The following RGS7 variants were observed in gnomAD, a reference collection of about 807,000 sequenced individuals.
RGS7 encodes regulator of G-protein signaling 7.
Under a neutral mutation model 81.1 loss-of-function variants are expected in RGS7, and 27 were observed. The observed-to-expected ratio is 0.33, with a 90% CI of 0.25 to 0.46. The LOEUF is 0.46. Among genes scored for constraint, RGS7 ranks in the 20% least tolerant of loss-of-function variants. RGS7 has a pLI of 1.00. For synonymous variants in RGS7, 208 were observed against 207.7 expected (o/e 1.00, Z -0.01); for missense variants, 396 against 607.4 (o/e 0.65, Z 3.66).
intron 3 of RGS7, among the ~76,000 whole-genome samples, chr1:241,072,856 A>G (rs1018636708): frequency 3.3e-5 from 5 of 152,080 alleles, no homozygotes; most frequent in African/African-American, 1.2e-4. Flanking sequence ...TGCCTTTTCT[A>G]TCCCAGGTCT....
chr1:241,118,021 T>C (rs535546149), intron 2 of RGS7, among the ~76,000 whole-genome samples: 17 of 152,328 alleles, frequency 1.1e-4, no homozygotes, highest in African/African-American at 3.8e-4. Context: ...TATTCCAACA[T>C]ACATAGATTT....
intron 2 of RGS7, among the ~76,000 whole-genome samples, chr1:241,328,787 AAAATGCT>A (rs1408581750): frequency 6.6e-6 from 1 of 152,190 alleles, no homozygotes; most frequent in East Asian, 1.9e-4. Context: ...AACATGTCAG[AAAATGCT>A]ATCTTATTAT....
intron 2 of RGS7, among the ~76,000 whole-genome samples, chr1:241,124,850 A>T (rs1244233903): frequency 6.6e-6 from 1 of 152,250 alleles, no homozygotes; most frequent in Non-Finnish European, 1.5e-5. Context: ...AGGTAGGCAG[A>T]GGCAAAAGCC....
chr1:241,340,157 T>C (rs1424524209), intron 2 of RGS7, among the ~76,000 whole-genome samples: 1 of 152,190 alleles, frequency 6.6e-6, no homozygotes, highest in African/African-American at 2.4e-5. Flanking sequence ...TAAAACTTAA[T>C]ACTAAGCCAC....
chr1:241,122,553 T>C (rs1233402031), intron 2 of RGS7, among the ~76,000 whole-genome samples: 1 of 151,304 alleles, frequency 6.6e-6, no homozygotes, highest in Non-Finnish European at 1.5e-5. Context: ...CCCTAGCTAC[T>C]TGGGAGGCTG....
intron 17 of RGS7, 85 bp from the exon 18 acceptor site, chr1:240,800,806 A>C: frequency 1.4e-6 from 1 of 692,324 alleles, no homozygotes; most frequent in Non-Finnish European, 2.4e-6. Flanking sequence ...ATACAAAAAA[A>C]AGAATCTTAC....
chr1:241,153,447 G>A (rs567394290), intron 2 of RGS7, among the ~76,000 whole-genome samples: 4 of 152,156 alleles, frequency 2.6e-5, no homozygotes, highest in Middle Eastern at 3.4e-3. Flanking sequence ...AAGTTATATC[G>A]ATGAGTTCAG....
At chr1:241,278,071 G>A (rs996188739) in intron 2 of RGS7, among the ~76,000 whole-genome samples, 1 of 152,186 alleles carries the variant, frequency 6.6e-6, no homozygotes, top group African/African-American at 2.4e-5. Context: ...TGCCGTCACA[G>A]CGATGCTTCC....
chr1:241,002,089 C>T (rs1688230359), intron 3 of RGS7, among the ~76,000 whole-genome samples: 1 of 152,028 alleles, frequency 6.6e-6, no homozygotes, highest in Non-Finnish European at 1.5e-5. Flanking sequence ...AAGAGGTATA[C>T]AGGAAATCTC....
intron 2 of RGS7, among the ~76,000 whole-genome samples, chr1:241,277,065 T>G (rs2078231607): frequency 6.6e-6 from 1 of 152,202 alleles, no homozygotes; most frequent in Non-Finnish European, 1.5e-5. Flanking sequence ...AAAATATATC[T>G]TTACTTAAAA....
chr1:240,782,009 C>T (rs960209061), intron 18 of RGS7, among the ~76,000 whole-genome samples: 10 of 144,106 alleles, frequency 6.9e-5, no homozygotes, highest in African/African-American at 1.1e-4. Flanking sequence ...AGTGAGACTC[C>T]GTCTCAAAAA....
chr1:241,321,428 C>A (rs374275428), intron 2 of RGS7, among the ~76,000 whole-genome samples: 1 of 152,148 alleles, frequency 6.6e-6, no homozygotes, highest in Non-Finnish European at 1.5e-5. Flanking sequence ...ATCCCCCTTC[C>A]ACCTCACTCG....
intron 2 of RGS7, among the ~76,000 whole-genome samples, chr1:241,203,175 C>G (rs995621042): frequency 6.6e-6 from 1 of 152,048 alleles, no homozygotes; most frequent in Non-Finnish European, 1.5e-5. Context: ...TACCTTCCTT[C>G]CACTCGATCA....
intron 2 of RGS7, among the ~76,000 whole-genome samples, chr1:241,306,388 C>T (rs967444674): frequency 2.0e-5 from 3 of 151,386 alleles, no homozygotes; most frequent in Non-Finnish European, 4.4e-5. Context: ...CACACCCTTA[C>T]ACCCTTACAC....
At chr1:241,184,447 T>C (rs779244565) in intron 2 of RGS7, among the ~76,000 whole-genome samples, 1 of 152,192 alleles carries the variant, frequency 6.6e-6, no homozygotes, top group African/African-American at 2.4e-5. Context: ...TAGGTAATGA[T>C]ATGCAGGTTG....
intron 2 of RGS7, among the ~76,000 whole-genome samples, chr1:241,128,799 A>AAAAT (rs2066878489): frequency 2.9e-5 from 4 of 135,852 alleles, no homozygotes; most frequent in Non-Finnish European, 6.4e-5. Flanking sequence ...AAAAAAAAAA[A>AAAAT]CTCTTCAGAG....
At chr1:241,301,335 A>C (rs2079742639) in intron 2 of RGS7, among the ~76,000 whole-genome samples, 1 of 152,256 alleles carries the variant, frequency 6.6e-6, no homozygotes, top group Admixed American at 6.5e-5. Context: ...TATATGTAAA[A>C]GCATCAAACG....
intron 18 of RGS7, among the ~76,000 whole-genome samples, chr1:240,794,649 C>T (rs556669841): frequency 1.3e-5 from 2 of 152,170 alleles, no homozygotes; most frequent in Admixed American, 6.5e-5. Flanking sequence ...GAACCAAGGT[C>T]CATCCCAAAC....
chr1:241,239,448 C>T (rs552335455), intron 2 of RGS7, among the ~76,000 whole-genome samples: 2 of 152,258 alleles, frequency 1.3e-5, no homozygotes, highest in East Asian at 1.9e-4. Context: ...CTCATCATGT[C>T]CCCCCTTCAC....
Sources: gnomAD v4.1 joint callset for allele counts (sites outside exome capture counted in the v4.1 genomes callset) on GRCh38, gnomAD v4.1.1 for gene constraint, MANE v1.5 for transcripts, NCBI Gene and HGNC (gene_info 2026-07-23, HGNC 2026-07-21) for gene names.